MXI1: variants seen among roughly 807,000 people sequenced by gnomAD.
The protein encoded by MXI1 is MAX interactor 1, dimerization protein.
MXI1 carries 18 observed loss-of-function variants against 36.9 expected under a neutral mutation model. The ratio of observed to expected loss-of-function variants is 0.49; its 90% CI spans 0.34 to 0.72. MXI1 has a LOEUF of 0.72. Among genes scored for constraint, MXI1 ranks in the 30% least tolerant of loss-of-function variants. MXI1 has a pLI of 0.01. For synonymous variants in MXI1, 160 were observed against 146.7 expected, an observed-to-expected ratio of 1.09 and a Z score of -0.65; for missense variants, 304 against 379.1, an observed-to-expected ratio of 0.80 and a Z score of 1.64.
intron 3 of MXI1, among the ~76,000 whole-genome samples, chr10:110,251,370 A>C (rs947338953): frequency 3.9e-5 from 6 of 152,270 alleles, no homozygotes; most frequent in Non-Finnish European, 8.8e-5. Context: ...GCATCATGAT[A>C]GATCAAATGA....
chr10:110,251,628 A>G (rs915794413), intron 3 of MXI1, among the ~76,000 whole-genome samples: 1 of 152,192 alleles, frequency 6.6e-6, no homozygotes, highest in African/African-American at 2.4e-5. Context: ...GAAATATGGA[A>G]TTGTGAAACC....
intron 1 of MXI1, 101 bp from the exon 2 acceptor site, chr10:110,228,088 T>C: frequency 7.4e-7 from 1 of 1,354,368 alleles, no homozygotes; most frequent in Non-Finnish European, 1.0e-6. Flanking sequence ...CCTCTTTTCC[T>C]GCTTTCAAAA....
chr10:110,208,213 C>T, intron 1 of MXI1, 131 bp downstream of exon 1: 3 of 916,468 alleles, frequency 3.3e-6, no homozygotes, highest in Non-Finnish European at 4.6e-6. Context: ...GGCAGTAAAG[C>T]CGATGACACC....
intron 1 of MXI1, among the ~76,000 whole-genome samples, chr10:110,227,020 C>T (rs868014275): frequency 1.6e-3 from 10 of 6,422 alleles, no homozygotes; most frequent in African/African-American, 7.6e-3. Context: ...GAGGGGTGAG[C>T]GCATGTGAGG....
At chr10:110,227,571 A>C in intron 1 of MXI1, 240 of 610,476 alleles carry the variant, frequency 3.9e-4, no homozygotes, top group Non-Finnish European at 4.4e-4. Flanking sequence ...AAGGAGGAAC[A>C]CGGATGCTGG....
chr10:110,274,290 CAGG>C (rs888197989), intron 3 of MXI1, among the ~76,000 whole-genome samples: 73 of 152,144 alleles, frequency 4.8e-4, no homozygotes, highest in African/African-American at 1.7e-3. Flanking sequence ...TTCTCTCTAA[CAGG>C]GTTAGTGGCT....
chr10:110,231,867 T>G (rs1299551182), intron 2 of MXI1, among the ~76,000 whole-genome samples: 1 of 152,244 alleles, frequency 6.6e-6, no homozygotes, highest in Non-Finnish European at 1.5e-5. Context: ...ATCTCTTCAG[T>G]CGGCCTTCTT....
intron 1 of MXI1, 96 bp downstream of exon 1, chr10:110,208,178 C>G (rs1341072384): frequency 1.5e-6 from 2 of 1,297,750 alleles, no homozygotes; most frequent in Non-Finnish European, 2.1e-6. Context: ...GTCCCCCCCC[C>G]GCCCAACATA....
At chr10:110,252,616 A>T (rs1191518757) in intron 3 of MXI1, among the ~76,000 whole-genome samples, 1 of 152,074 alleles carries the variant, frequency 6.6e-6, no homozygotes, top group East Asian at 1.9e-4. Context: ...TGTCTGAGTT[A>T]TTTATTCATT....
intron 1 of MXI1, among the ~76,000 whole-genome samples, chr10:110,209,955 A>T (rs1292136481): frequency 7.8e-6 from 1 of 128,256 alleles, no homozygotes; most frequent in Non-Finnish European, 1.6e-5. Flanking sequence ...AGCGAGGTGT[A>T]TGGAGGAGGC....
chr10:110,221,073 C>T (rs751062828), intron 1 of MXI1, among the ~76,000 whole-genome samples: 2 of 152,196 alleles, frequency 1.3e-5, no homozygotes, highest in African/African-American at 4.8e-5. Flanking sequence ...CCAAGGTTTG[C>T]GGTCATCACC....
At chr10:110,228,055 C>A (rs780959704) in intron 1 of MXI1, 134 bp from the exon 2 acceptor site, 2 of 980,730 alleles carry the variant, frequency 2.0e-6, no homozygotes, top group Non-Finnish European at 1.5e-6. Context: ...AATTTTCTAA[C>A]CAAAAAGAGT....
intron 1 of MXI1, 131 bp downstream of exon 1, chr10:110,208,213 C>A: frequency 4.4e-6 from 4 of 916,462 alleles, no homozygotes; most frequent in East Asian, 3.5e-5. Flanking sequence ...GGCAGTAAAG[C>A]CGATGACACC....
At chr10:110,232,949 A>G (rs1855328251) in intron 2 of MXI1, among the ~76,000 whole-genome samples, 1 of 152,256 alleles carries the variant, frequency 6.6e-6, no homozygotes, top group South Asian at 2.1e-4. Flanking sequence ...CATGAAAATA[A>G]AATAATACCA....
chr10:110,273,871 T>TG (rs138711459), intron 3 of MXI1, among the ~76,000 whole-genome samples: 5,628 of 152,276 alleles, frequency 0.037, 419 homozygotes, highest in East Asian at 0.28. Context: ...GGATCGTTTG[T>TG]GGGGCCAGGC....
intron 3 of MXI1, among the ~76,000 whole-genome samples, chr10:110,252,860 A>G (rs1175844827): frequency 6.6e-6 from 1 of 152,202 alleles, no homozygotes; most frequent in Non-Finnish European, 1.5e-5. Flanking sequence ...ATAATAGGCA[A>G]ATAGAAAATT....
chr10:110,216,665 G>GTTTTTTTTTTGTTT (rs1854645560), intron 1 of MXI1, among the ~76,000 whole-genome samples: 1 of 79,060 alleles, frequency 1.3e-5, no homozygotes, highest in African/African-American at 8.0e-5. Context: ...TGTGTTTAAT[G>GTTTTTTTTTTGTTT]TTTTTTTTTT....
At chr10:110,224,336 T>C (rs576020599) in intron 1 of MXI1, among the ~76,000 whole-genome samples, 1 of 152,366 alleles carries the variant, frequency 6.6e-6, no homozygotes, top group African/African-American at 2.4e-5. Flanking sequence ...CTAGATCCCT[T>C]GTTCCCAACT....
chr10:110,284,300 T>C (rs898948335), intron 5 of MXI1, among the ~76,000 whole-genome samples: 4 of 152,128 alleles, frequency 2.6e-5, no homozygotes, highest in Non-Finnish European at 5.9e-5. Context: ...TAATGACTTG[T>C]TTGACTGACT....
Sources: gnomAD v4.1 joint callset for allele counts (sites outside exome capture counted in the v4.1 genomes callset) on GRCh38, gnomAD v4.1.1 for gene constraint, MANE v1.5 for transcripts, NCBI Gene and HGNC (gene_info 2026-07-23, HGNC 2026-07-21) for gene names.